The following GJB7 variants were observed in gnomAD, a reference collection of about 807,000 sequenced individuals.
The protein encoded by GJB7 is gap junction beta-7 protein.
For synonymous variants in GJB7, 87 were observed against 95.2 expected (o/e 0.91, Z 0.50); for missense variants, 253 against 256.8 (o/e 0.99, Z 0.10).
rs1402562264 is a variant in GJB7 at position 87,306,738 on chromosome 6, C to T, written c.-28+16128G>A. ...GACACATGCACACGTATGTTTATTGCAGCACTATTTACAATAGCAAAGACT... is the reference window on the plus strand; with the variant it reads ...GACACATGCACACGTATGTTTATTGTAGCACTATTTACAATAGCAAAGACT... On this transcript the variant is annotated intron_variant, in intron 2 of 2. Coordinates refer to ENST00000525899, the MANE Select transcript of GJB7 (RefSeq NM_198568.3). Among the ~76,000 whole-genome samples the T allele has an allele frequency of 2.0e-5, 3 of 152,166 alleles. No individual in the cohort carries two copies. In the South Asian group the frequency reaches 6.2e-4, roughly 31 times the overall value.
chr6:87,284,283 A>T lies in GJB7; in HGVS notation c.630T>A (p.Cys210Ter). The T allele has an allele frequency of 6.2e-7, 1 of 1,613,894 alleles. No homozygotes were observed. Among genetic ancestry groups the T allele is most frequent in the South Asian group, 1.1e-5 (1 of 91,070 alleles). ...GAGGTTTTTTTAAATATTTTTGGAG[A>T]CAGCACTTAATAAAGCACTTGAGAA... ...FLVLKCFIKC[C>*]LQKYLKKPQV... The change falls in exon 3 of 3, where the codon TGT becomes TGA. Residue 210 changes from cysteine to a stop codon, truncating the protein, a stop_gained. Coordinates refer to ENST00000525899, the MANE Select transcript of GJB7 (RefSeq NM_198568.3). LOFTEE classifies it high-confidence loss of function.
At chr6:87,289,890 G>A (rs1421041015) in intron 2 of GJB7, among the ~76,000 whole-genome samples, 1 of 152,194 alleles carries the variant, frequency 6.6e-6, no homozygotes, top group Non-Finnish European at 1.5e-5. Flanking sequence ...ACTGCTGGGA[G>A]CCAGAGAGCT....
chr6:87,285,536 A>G (rs1350369430), intron 2 of GJB7, among the ~76,000 whole-genome samples: 2 of 152,184 alleles, frequency 1.3e-5, no homozygotes, highest in Non-Finnish European at 2.9e-5. Flanking sequence ...TTCACCCTCC[A>G]GACTGACATA....
intron 2 of GJB7, among the ~76,000 whole-genome samples, chr6:87,292,283 T>C (rs1228329301): frequency 2.0e-5 from 3 of 152,258 alleles, no homozygotes; most frequent in Admixed American, 1.3e-4. Context: ...TTCATCTCTT[T>C]AAATGATTTT....
At chr6:87,307,655 A>G (rs1377337496) in intron 2 of GJB7, among the ~76,000 whole-genome samples, 5 of 152,196 alleles carry the variant, frequency 3.3e-5, no homozygotes, top group East Asian at 1.9e-4. Flanking sequence ...TCAGAGAAAT[A>G]CAAATCAAAA....
intron 2 of GJB7, among the ~76,000 whole-genome samples, chr6:87,293,180 C>T (rs9362418): frequency 0.095 from 14,437 of 152,122 alleles, 713 homozygotes; most frequent in East Asian, 0.13. Context: ...TACAGGCACG[C>T]GCCACCACGC....
At chr6:87,294,234 T>C (rs762174834) in intron 2 of GJB7, among the ~76,000 whole-genome samples, 7 of 152,238 alleles carry the variant, frequency 4.6e-5, no homozygotes, top group Non-Finnish European at 1.0e-4. Flanking sequence ...ATTTTAATAG[T>C]TGCCTCTTCA....
chr6:87,318,710 G>T (rs1361110741), intron 2 of GJB7, among the ~76,000 whole-genome samples: 2 of 152,188 alleles, frequency 1.3e-5, no homozygotes. Flanking sequence ...GACACAGGGA[G>T]GGGTGAAGAA....
chr6:87,317,131 G>A (rs1776594908), intron 2 of GJB7, among the ~76,000 whole-genome samples: 2 of 150,874 alleles, frequency 1.3e-5, no homozygotes, highest in African/African-American at 4.9e-5. Context: ...GAGGTGGATG[G>A]ATCAGTTTAG....
intron 2 of GJB7, among the ~76,000 whole-genome samples, chr6:87,321,514 A>T (rs1033901952): frequency 3.9e-5 from 6 of 152,150 alleles, no homozygotes; most frequent in Non-Finnish European, 7.3e-5. Context: ...GGAAGGTATA[A>T]TGAGGCATAT....
chr6:87,318,371 C>A (rs988070073), intron 2 of GJB7, among the ~76,000 whole-genome samples: 1 of 152,132 alleles, frequency 6.6e-6, no homozygotes, highest in South Asian at 2.1e-4. Flanking sequence ...TGCACAACAA[C>A]GAACTGAACC....
At position 87,313,822 on chromosome 6, in the gene GJB7, C is replaced by T. The variant is rs150448131; in HGVS notation, c.-28+9044G>A. On this transcript the variant is annotated intron_variant, in intron 2 of 2. Transcript: ENST00000525899. ...GCAGCACCTCAGAACTTTTTAAAAA[C>T]GGAAATTCCCAGGCCCACTCCAGAC... is the stretch of plus-strand genomic sequence containing the variant. 3.6e-3 allele frequency among the ~76,000 whole-genome samples: 554 copies of T among 152,278 alleles called. 2 individuals are homozygous for T. Among genetic ancestry groups the T allele is most frequent in the African/African-American group, 0.013 (532 of 41,558 alleles).
chr6:87,320,309 T>A (rs1479023064), intron 2 of GJB7, among the ~76,000 whole-genome samples: 1 of 152,138 alleles, frequency 6.6e-6, no homozygotes, highest in South Asian at 2.1e-4. Flanking sequence ...ATATTAAAAA[T>A]TTTTAAAAAT....
chr6:87,324,746 G>A (rs537187542), intron 1 of GJB7, among the ~76,000 whole-genome samples: 24 of 152,144 alleles, frequency 1.6e-4, no homozygotes, highest in East Asian at 3.9e-4. Context: ...TTGACTTGGC[G>A]ATGTGGGCTC....
chr6:87,284,932 G>A lies in GJB7; in HGVS notation c.-20C>T. On this transcript the variant is annotated 5_prime_UTR_variant, in exon 3 of 3. Transcript: ENST00000525899. ...ACTCATGACTTAGGCTCAAAAGAAGGCAAGACTCTGCAAAATAAGACAATT... is the reference window on the plus strand; with the variant it reads ...ACTCATGACTTAGGCTCAAAAGAAGACAAGACTCTGCAAAATAAGACAATT... 6.4e-7 allele frequency: 1 copy of A among 1,569,568 alleles called. No homozygotes were observed. The highest frequency in any genetic ancestry group is 8.7e-7 in the Non-Finnish European group (1 of 1,149,614).
chr6:87,324,945 T>C (rs1404278384), intron 1 of GJB7, among the ~76,000 whole-genome samples: 2 of 152,158 alleles, frequency 1.3e-5, no homozygotes, highest in Non-Finnish European at 2.9e-5. Flanking sequence ...TTTTATTTCC[T>C]TGAGCAGTGG....
At chr6:87,305,306 C>T (rs565438670) in intron 2 of GJB7, among the ~76,000 whole-genome samples, 45 of 152,062 alleles carry the variant, frequency 3.0e-4, no homozygotes, top group African/African-American at 1.1e-3. Flanking sequence ...TCTCCTTAAG[C>T]TGATAAGCAA....
chr6:87,318,560 C>T (rs567628225), intron 2 of GJB7, among the ~76,000 whole-genome samples: 68 of 152,266 alleles, frequency 4.5e-4, no homozygotes, highest in African/African-American at 1.5e-3. Flanking sequence ...TCATCTCCAG[C>T]AGGCTAGCTG....
At chr6:87,318,134 T>A (rs1052311059) in intron 2 of GJB7, among the ~76,000 whole-genome samples, 2 of 150,814 alleles carry the variant, frequency 1.3e-5, no homozygotes, top group African/African-American at 4.9e-5. Flanking sequence ...TTTTTTTTTT[T>A]ACTAATTTAT....
Sources: gnomAD v4.1 joint callset for allele counts (sites outside exome capture counted in the v4.1 genomes callset) on GRCh38, gnomAD v4.1.1 for gene constraint, MANE v1.5 for transcripts, NCBI Gene and HGNC (gene_info 2026-07-23, HGNC 2026-07-21) for gene names.